RAB11A: variants seen among roughly 807,000 people sequenced by gnomAD.
RAB11A encodes the protein RAB11A, member RAS oncogene family.
Under a neutral mutation model 28.0 loss-of-function variants are expected in RAB11A, and 9 were observed. The observed-to-expected ratio is 0.32, with a 90% CI of 0.19 to 0.56. The LOEUF is 0.56. Ranked by LOEUF, RAB11A falls within the 20% of genes least tolerant of loss-of-function variation. The pLI, the probability that RAB11A is intolerant of heterozygous loss-of-function variation, is 0.91. For missense variants in RAB11A, 108 were observed against 269.6 expected (o/e 0.40, Z 4.20); for synonymous variants, 85 against 88.2 (o/e 0.96, Z 0.20).
At chr15:65,885,056 C>G (rs956066567) in intron 4 of RAB11A, among the ~76,000 whole-genome samples, 21 of 147,442 alleles carry the variant, frequency 1.4e-4, no homozygotes, top group African/African-American at 5.3e-4. Context: ...GAGTGAGACT[C>G]TGTCTCAAAA....
At chr15:65,881,542 A>G (rs565095889) in intron 4 of RAB11A, among the ~76,000 whole-genome samples, 1 of 152,198 alleles carries the variant, frequency 6.6e-6, no homozygotes, top group African/African-American at 2.4e-5. Context: ...TGTTCCATCA[A>G]ATCTCCTCTG....
chr15:65,879,244 T>A (rs931194557), intron 3 of RAB11A, among the ~76,000 whole-genome samples: 2 of 152,196 alleles, frequency 1.3e-5, no homozygotes, highest in African/African-American at 4.8e-5. Context: ...ACTCCTGGGC[T>A]CAAGCAATCC....
In RAB11A at chr15:65,889,482, C is replaced by T. The variant is rs2078274241; in HGVS notation, c.*1642C>T. On this transcript the variant is annotated 3_prime_UTR_variant, in exon 5 of 5. Coordinates refer to ENST00000261890, the MANE Select transcript of RAB11A (RefSeq NM_004663.5). ...TCTTATGCTGTCAGATTACATTTTT[C>T]CTTTGAGTGCTTTGGGTGCAGCCGT... The T allele has an allele frequency of 6.6e-6, 1 of 151,896 alleles. No individual in the cohort carries two copies. The highest frequency in any genetic ancestry group is 2.4e-5 in the African/African-American group (1 of 41,344). 9.4% of individuals were successfully genotyped at this position (151,896 alleles called of 1,614,324 possible).
chr15:65,884,953 C>T (rs971363188), intron 4 of RAB11A, among the ~76,000 whole-genome samples: 4 of 150,188 alleles, frequency 2.7e-5, no homozygotes, highest in Non-Finnish European at 5.9e-5. Context: ...CCTATGCAGT[C>T]GCCCCCACCG....
chr15:65,874,156 A>G (rs935143859), intron 1 of RAB11A, among the ~76,000 whole-genome samples: 12 of 152,144 alleles, frequency 7.9e-5, no homozygotes, highest in Non-Finnish European at 1.8e-4. Flanking sequence ...GCTTTTATGC[A>G]TTTAGCAGCT....
At position 65,869,567 on chromosome 15, in the gene RAB11A, T is replaced by C; in HGVS notation, c.-19T>C. 1 of 1,609,914 alleles carries C rather than the reference T, an allele frequency of 6.2e-7. No homozygotes were observed. The highest frequency in any genetic ancestry group is 1.7e-4 in the Middle Eastern group (1 of 6,058). On this transcript the variant is annotated 5_prime_UTR_variant, in exon 1 of 5. Transcript: ENST00000261890. ...CAGATACCACTGCTGCTCCCGCCCTTTCGCTCCTCGGCCGCGCAATGGGCA... is the reference window on the plus strand; with the variant it reads ...CAGATACCACTGCTGCTCCCGCCCTCTCGCTCCTCGGCCGCGCAATGGGCA...
intron 1 of RAB11A, among the ~76,000 whole-genome samples, chr15:65,876,673 G>GT (rs1209608987): frequency 6.6e-6 from 1 of 152,050 alleles, no homozygotes; most frequent in Non-Finnish European, 1.5e-5. Flanking sequence ...AGTGGCTTGG[G>GT]TTTTTTTGGC....
chr15:65,887,978 G>T lies in RAB11A; in HGVS notation c.*138G>T. On this transcript the variant is annotated 3_prime_UTR_variant, in exon 5 of 5. Coordinates refer to ENST00000261890, the MANE Select transcript of RAB11A (RefSeq NM_004663.5). ...AATTTTTCCATGTCCTAAGTCTTTT[G>T]ATTTTAGCTTTATAAAATCATCCAC... 1.1e-6 allele frequency: 1 copy of T among 938,638 alleles called. No individual in the cohort carries two copies. The highest frequency in any genetic ancestry group is 1.7e-5 in the African/African-American group (1 of 58,250). 58.1% of individuals were successfully genotyped at this position (938,638 alleles called of 1,614,324 possible). A position where few individuals can be genotyped will look rare whatever the true frequency, so the allele number is the denominator to read the frequency against.
intron 4 of RAB11A, among the ~76,000 whole-genome samples, chr15:65,885,633 A>T (rs1034377785): frequency 1.3e-5 from 2 of 152,144 alleles, no homozygotes; most frequent in African/African-American, 4.8e-5. Flanking sequence ...GGTCCAAACG[A>T]TAGGTAGAGG....
chr15:65,889,133 A>G lies in RAB11A; in HGVS notation c.*1293A>G, dbSNP rs1472928474. 1 of 152,660 alleles carries G rather than the reference A, an allele frequency of 6.6e-6. No individual in the cohort carries two copies. The highest frequency in any genetic ancestry group is 1.5e-5 in the Non-Finnish European group (1 of 68,038). The allele number at this position is 152,660 out of a possible 1,614,324, so 9.5% of individuals were successfully genotyped here. A position where few individuals can be genotyped will look rare whatever the true frequency, so the allele number is the denominator to read the frequency against. ...CTGCAGTTTCCTGGAAGTTGTGTCA[A>G]CTGCAGTGATACTATTCAGGATGGT... is the stretch of plus-strand genomic sequence containing the variant. On this transcript the variant is annotated 3_prime_UTR_variant, in exon 5 of 5. Transcript: ENST00000261890.
rs1433128933 is a variant in RAB11A at position 65,889,538 on chromosome 15, C to G, written c.*1698C>G. On this transcript the variant is annotated 3_prime_UTR_variant, in exon 5 of 5. Coordinates refer to ENST00000261890, the MANE Select transcript of RAB11A (RefSeq NM_004663.5). The stretch of plus-strand genomic sequence containing the variant: ...CCTGATGTAAAAGCATAGGTTCTTG[C>G]ATTACTGAGTAAACATTGAATTGGG... 2 of 152,098 alleles carry G rather than the reference C, an allele frequency of 1.3e-5. No individual in the cohort carries two copies. The highest frequency in any genetic ancestry group is 4.8e-5 in the African/African-American group (2 of 41,398). 9.4% of individuals were successfully genotyped at this position (152,098 alleles called of 1,614,324 possible). A position where few individuals can be genotyped will look rare whatever the true frequency, so the allele number is the denominator to read the frequency against.
rs2078197502 is a variant in RAB11A at position 65,877,570 on chromosome 15, CGA to C, written c.236+45_236+46del. ...TAAGTTCTGTGAAATGGGTTGCCAT[CGA>C]GTGAATTAGCTGACTTTTGGTATTG... On this transcript the variant is annotated intron_variant, in intron 2 of 4. Coordinates refer to ENST00000261890, the MANE Select transcript of RAB11A (RefSeq NM_004663.5). The surrounding 1 kb of genome is among the most constrained non-coding windows in gnomAD (Gnocchi z 4.1). 8 of 1,558,516 alleles carry C rather than the reference CGA, an allele frequency of 5.1e-6. No homozygotes were observed. The highest frequency in any genetic ancestry group is 1.7e-4 in the Middle Eastern group (1 of 5,874).
At chr15:65,881,460 G>A (rs936669542) in intron 4 of RAB11A, among the ~76,000 whole-genome samples, 4 of 152,112 alleles carry the variant, frequency 2.6e-5, no homozygotes, top group South Asian at 2.1e-4. Context: ...AGATGTGTGA[G>A]CATTTTAAGG....
rs1032366779 is a variant in RAB11A at position 65,882,493 on chromosome 15, G to C, written c.511+2742G>C. ...TAAAAATTGAGATGGAGCCCAGTCT[G>C]GTCTTGAATTCCTGAGCTCAAGCCA... On this transcript the variant is annotated intron_variant, in intron 4 of 4. Coordinates refer to ENST00000261890, the MANE Select transcript of RAB11A (RefSeq NM_004663.5). 3.9e-4 allele frequency among the ~76,000 whole-genome samples: 60 copies of C among 152,298 alleles called. 1 individual carries two copies. Among genetic ancestry groups the C allele is most frequent in the Admixed American group, 2.6e-3 (39 of 15,294 alleles).
intron 1 of RAB11A, 138 bp downstream of exon 1, chr15:65,869,763 A>G: frequency 1.1e-6 from 1 of 920,098 alleles, no homozygotes; most frequent in Non-Finnish European, 1.5e-6. Context: ...TCCGTCTCCT[A>G]CCCAGCTCAG....
intron 3 of RAB11A, 26 bp from the exon 4 acceptor site, chr15:65,879,645 G>C (rs776131586): frequency 6.6e-7 from 1 of 1,526,588 alleles, no homozygotes; most frequent in Non-Finnish European, 9.0e-7. Context: ...AACTTAACAA[G>C]ACTGAACTTT....
rs141954648 is a variant in RAB11A, at chr15:65,889,754, A to G, written c.*1914A>G. Reference sequence around the variant, plus strand: ...GGTAGATTTTTTACAAAGTAAGGAGAAAAGAGAAAAACTAAATAGTGAATT... The same window carrying G: ...GGTAGATTTTTTACAAAGTAAGGAGGAAAGAGAAAAACTAAATAGTGAATT... On this transcript the variant is annotated 3_prime_UTR_variant, in exon 5 of 5. Coordinates refer to ENST00000261890, the MANE Select transcript of RAB11A (RefSeq NM_004663.5). 28 of 152,346 alleles carry G rather than the reference A, an allele frequency of 1.8e-4. No individual in the cohort carries two copies. Among genetic ancestry groups the G allele is most frequent in the Admixed American group, 4.6e-4 (7 of 15,306 alleles). The allele number at this position is 152,346 out of a possible 1,614,324, so 9.4% of individuals were successfully genotyped here.
In RAB11A at chr15:65,889,923, C is replaced by T. The variant is rs1596795411; in HGVS notation, c.*2083C>T. The T allele has an allele frequency of 1.3e-5, 2 of 152,008 alleles. No homozygotes were observed. Among genetic ancestry groups the T allele is most frequent in the Non-Finnish European group, 2.9e-5 (2 of 68,008 alleles). The allele number at this position is 152,008 out of a possible 1,614,324, so 9.4% of individuals were successfully genotyped here. On this transcript the variant is annotated 3_prime_UTR_variant, in exon 5 of 5. Transcript: ENST00000261890. ...TTGCATTTCAGCAGGTGTCTTTATT[C>T]TGAGTAGTATCTTAGGAGACAAACT...
chr15:65,887,869 T>G lies in RAB11A; in HGVS notation c.*29T>G. The stretch of plus-strand genomic sequence containing the variant: ...ATTTCTCTTCTCCCCTAGAAGGCTG[T>G]GTATAGTCCATTTCCCAGGTCTGAG... On this transcript the variant is annotated 3_prime_UTR_variant, in exon 5 of 5. Coordinates refer to ENST00000261890, the MANE Select transcript of RAB11A (RefSeq NM_004663.5). 2 of 1,526,654 alleles carry G rather than the reference T, an allele frequency of 1.3e-6. No individual in the cohort carries two copies. Among genetic ancestry groups the G allele is most frequent in the Admixed American group, 4.6e-5 (2 of 43,758 alleles). 94.6% of individuals were successfully genotyped at this position (1,526,654 alleles called of 1,614,324 possible). A position where few individuals can be genotyped will look rare whatever the true frequency, so the allele number is the denominator to read the frequency against.
Sources: gnomAD v4.1 joint callset for allele counts (sites outside exome capture counted in the v4.1 genomes callset) on GRCh38, gnomAD v4.1.1 for gene constraint, Gnocchi (gnomAD v3.1) non-coding constraint, MANE v1.5 for transcripts, NCBI Gene and HGNC (gene_info 2026-07-23, HGNC 2026-07-21) for gene names.